Variants in NSMCE2 observed in about 807,000 individuals in gnomAD.
NSMCE2 encodes NSE2 SUMO ligase component of SMC5/6 complex, also known as E3 SUMO-protein ligase NSE2.
Under a neutral mutation model 23.8 loss-of-function variants are expected in NSMCE2, and 24 were observed. The ratio of observed to expected loss-of-function variants is 1.01; its 90% CI spans 0.73 to 1.42. The LOEUF (loss-of-function observed/expected upper bound fraction) is 1.42, where lower values mean the gene tolerates loss of function less well. Ranked by LOEUF, NSMCE2 falls within the 40% of genes most tolerant of loss-of-function variation. The probability of loss-of-function intolerance (pLI) is 0.00; values close to 1 mark genes in which losing one functional copy is unlikely to be tolerated. For synonymous variants in NSMCE2, 92 were observed against 94.1 expected (o/e 0.98, Z 0.13); for missense variants, 284 against 296.5 (o/e 0.96, Z 0.31).
intron 4 of NSMCE2, chr8:125,156,200 G>T: frequency 5.2e-6 from 1 of 191,432 alleles, no homozygotes; most frequent in Non-Finnish European, 1.1e-5. Flanking sequence ...TTATACTTCA[G>T]CTTTTATTGT....
intron 1 of NSMCE2, among the ~76,000 whole-genome samples, chr8:125,099,004 T>C (rs2130336700): frequency 6.6e-6 from 1 of 152,254 alleles, no homozygotes; most frequent in South Asian, 2.1e-4. Context: ...TTTTAGGTGC[T>C]GGAGATACAT....
At chr8:125,241,932 A>G (rs959776977) in intron 5 of NSMCE2, among the ~76,000 whole-genome samples, 6 of 152,180 alleles carry the variant, frequency 3.9e-5, no homozygotes, top group Non-Finnish European at 5.9e-5. Flanking sequence ...AGAGTGGACA[A>G]TTTCAGTGGG....
At chr8:125,148,928 T>C (rs1200983667) in intron 3 of NSMCE2, among the ~76,000 whole-genome samples, 1 of 152,174 alleles carries the variant, frequency 6.6e-6, no homozygotes, top group Non-Finnish European at 1.5e-5. Context: ...TGTTTAAAAT[T>C]CACTTCTTTA....
At chr8:125,182,361 C>T (rs1822870985) in intron 5 of NSMCE2, 105 bp downstream of exon 5, 19 of 887,600 alleles carry the variant, frequency 2.1e-5, no homozygotes, top group Non-Finnish European at 3.1e-5. Flanking sequence ...ATCTGCTTGG[C>T]TTGATCCTCA....
chr8:125,233,791 ACCAGTCT>A (rs1825427098), intron 5 of NSMCE2, among the ~76,000 whole-genome samples: 1 of 152,100 alleles, frequency 6.6e-6, no homozygotes, highest in Non-Finnish European at 1.5e-5. Context: ...TCACCATTCC[ACCAGTCT>A]CCCTTCCTGG....
chr8:125,095,652 T>C (rs956173589), intron 1 of NSMCE2, among the ~76,000 whole-genome samples: 2 of 151,836 alleles, frequency 1.3e-5, no homozygotes, highest in African/African-American at 4.8e-5. Flanking sequence ...CCTAGCACTT[T>C]GGGAGGCCGA....
chr8:125,337,884 CAAAAAAAAA>C (rs35658538), intron 5 of NSMCE2, among the ~76,000 whole-genome samples: 1,014 of 97,394 alleles, frequency 0.01, 11 homozygotes, highest in African/African-American at 0.038. Flanking sequence ...AACTCTATCT[CAAAAAAAAA>C]AAAAAAAAAA....
rs552582930 is a variant in NSMCE2 at position 125,308,124 on chromosome 8, C to T, written c.419-49095C>T. 2.0e-5 allele frequency among the ~76,000 whole-genome samples: 3 copies of T among 152,092 alleles called. No individual in the cohort carries two copies. In the South Asian group the frequency reaches 6.2e-4, roughly 32 times the overall value. ...TCCACTCCTGTTTGTTTCCTAGTCT[C>T]GGAGGCATGGGAGTTTATATAACCT... On this transcript the variant is annotated intron_variant, in intron 5 of 7. Coordinates refer to ENST00000287437, the MANE Select transcript of NSMCE2 (RefSeq NM_173685.4).
intron 5 of NSMCE2, among the ~76,000 whole-genome samples, chr8:125,318,707 G>A (rs540398614): frequency 4.6e-5 from 7 of 152,216 alleles, no homozygotes; most frequent in South Asian, 2.1e-4. Context: ...AAACAACCAC[G>A]GCACTCAAGG....
intron 5 of NSMCE2, among the ~76,000 whole-genome samples, chr8:125,337,755 C>T (rs561518129): frequency 8.6e-5 from 13 of 151,970 alleles, no homozygotes; most frequent in African/African-American, 2.4e-4. Context: ...ATTAGCCGGG[C>T]GTGGTGGCAC....
intron 5 of NSMCE2, among the ~76,000 whole-genome samples, chr8:125,284,282 C>T (rs1441316969): frequency 6.6e-6 from 1 of 151,680 alleles, no homozygotes; most frequent in Non-Finnish European, 1.5e-5. Flanking sequence ...CTTCGACTCT[C>T]ACAAGTCCTT....
At chr8:125,201,578 G>A (rs925355340) in intron 5 of NSMCE2, among the ~76,000 whole-genome samples, 1 of 152,098 alleles carries the variant, frequency 6.6e-6, no homozygotes. Flanking sequence ...GTCCCAGAGG[G>A]GCACCCGCCT....
intron 4 of NSMCE2, among the ~76,000 whole-genome samples, chr8:125,172,536 G>A (rs540495948): frequency 2.0e-4 from 31 of 152,304 alleles, no homozygotes; most frequent in African/African-American, 3.4e-4. Context: ...CCCCAAAAGG[G>A]GGAATGATAC....
rs201452146 is a variant in NSMCE2, at chr8:125,151,236, C to G, written c.223C>G (p.Leu75Val). The change falls in exon 4 of 8, where the codon CTA becomes GTA. Residue 75 changes from leucine (L) to valine (V), a missense_variant. This residue lies in a region of NSMCE2 where 182 missense variants were observed against 155.5 expected (regional missense o/e 1.17). Transcript: ENST00000287437. ...MVEFATLDRQ[L>V]NHYVKAVQST... is the part of the protein sequence containing the mutation. ...TGAATTTGCTACATTGGATCGGCAA[C>G]TAAACCATTATGTAAAGGCTGTTCA... is the stretch of plus-strand genomic sequence containing the variant. 6.2e-7 allele frequency: 1 copy of G among 1,606,164 alleles called. No individual in the cohort carries two copies. Among genetic ancestry groups the G allele is most frequent in the Non-Finnish European group, 8.5e-7 (1 of 1,173,488 alleles).
At chr8:125,292,195 A>G (rs1287162745) in intron 5 of NSMCE2, among the ~76,000 whole-genome samples, 1 of 151,782 alleles carries the variant, frequency 6.6e-6, no homozygotes, top group East Asian at 1.9e-4. Flanking sequence ...CACTAGCAAT[A>G]TGTAGATTCA....
At chr8:125,121,591 C>T (rs1819264172) in intron 3 of NSMCE2, among the ~76,000 whole-genome samples, 2 of 152,166 alleles carry the variant, frequency 1.3e-5, no homozygotes, top group Admixed American at 1.3e-4. Context: ...ATGTCTCAAT[C>T]AAGAATCTGT....
intron 4 of NSMCE2, among the ~76,000 whole-genome samples, chr8:125,170,608 A>C (rs748968563): frequency 2.6e-5 from 4 of 151,706 alleles, no homozygotes; most frequent in Non-Finnish European, 4.4e-5. Context: ...GGGTTTCACC[A>C]TGTTGGCCAG....
chr8:125,104,164 A>G (rs112586879), intron 3 of NSMCE2, among the ~76,000 whole-genome samples: 1 of 151,898 alleles, frequency 6.6e-6, no homozygotes, highest in Non-Finnish European at 1.5e-5. Context: ...CTAATTTTGT[A>G]ATTTTAGTAG....
intron 4 of NSMCE2, among the ~76,000 whole-genome samples, chr8:125,161,988 G>A (rs538310764): frequency 2.0e-5 from 3 of 152,168 alleles, no homozygotes; most frequent in South Asian, 2.1e-4. Flanking sequence ...TTGGTACCAC[G>A]AAGCAAGTCC....
Sources: gnomAD v4.1 joint callset for allele counts (sites outside exome capture counted in the v4.1 genomes callset) on GRCh38, gnomAD v4.1.1 for gene constraint, gnomAD v4.1.1 regional missense constraint, MANE v1.5 for transcripts, NCBI Gene and HGNC (gene_info 2026-07-23, HGNC 2026-07-21) for gene names.